NEBL: variants seen among roughly 807,000 people sequenced by gnomAD.
NEBL encodes nebulette.
Under a neutral mutation model 140.2 loss-of-function variants are expected in NEBL, and 122 were observed. The observed-to-expected ratio is 0.87, with a 90% confidence interval of 0.75 to 1.01. NEBL has a LOEUF of 1.01. NEBL is among the 50% of genes least tolerant of loss of function. NEBL has a pLI of 0.00. For missense variants in NEBL, 1,365 were observed against 1,231.3 expected, an observed-to-expected ratio of 1.11 and a Z score of -1.62; for synonymous variants, 436 against 398.9, an observed-to-expected ratio of 1.09 and a Z score of -1.11.
intron 1 of NEBL, among the ~76,000 whole-genome samples, chr10:21,262,756 A>C (rs11012621): frequency 0.026 from 3,902 of 152,300 alleles, 54 homozygotes; most frequent in Middle Eastern, 0.061. Context: ...GGCTGAACTT[A>C]GCATCTGCCA....
intron 3 of NEBL, among the ~76,000 whole-genome samples, chr10:21,220,389 C>T (rs940139456): frequency 1.3e-5 from 2 of 152,046 alleles, no homozygotes; most frequent in East Asian, 1.9e-4. Flanking sequence ...CAAGAACATA[C>T]AATAGGGAAA....
intron 8 of NEBL, 26 bp from the exon 9 acceptor site, chr10:20,858,370 A>G (rs1843308797): frequency 1.3e-6 from 2 of 1,489,732 alleles, no homozygotes; most frequent in African/African-American, 2.8e-5. Context: ...GGAACAAAAT[A>G]CCATCGAGGA....
intron 3 of NEBL, among the ~76,000 whole-genome samples, chr10:20,967,897 C>T (rs1379127418): frequency 4.6e-5 from 7 of 152,044 alleles, no homozygotes; most frequent in East Asian, 1.9e-4. Context: ...AAAGCAGGGA[C>T]GCAGTTTTAA....
intron 14 of NEBL, 131 bp from the exon 15 acceptor site, chr10:20,831,714 T>C (rs907199306): frequency 9.3e-5 from 62 of 663,146 alleles, no homozygotes; most frequent in South Asian, 8.3e-4. Flanking sequence ...TTTATTTCTA[T>C]AGAATAATAG....
Position 20,859,752 on chromosome 10 carries a change from A to T in NEBL, c.759T>A (p.Ser253=), listed in dbSNP as rs766010184. Residue 253 remains serine (S), a synonymous_variant, in exon 8 of 28, where the codon TCT becomes TCA. Coordinates refer to ENST00000377122, the MANE Select transcript of NEBL (RefSeq NM_006393.3). ...KHHYNPLESA[S]FRQNQLAATL... ...TAGCAGCAAGCTGATTCTGCCTAAA[A>T]GAAGCACTTTCAAGAGGATTGTAAT... 2 of 1,604,898 alleles carry T rather than the reference A, an allele frequency of 1.2e-6. No individual in the cohort carries two copies. The highest frequency in any genetic ancestry group is 3.3e-5 in the Admixed American group (2 of 59,834).
In NEBL at chr10:21,015,306, G is replaced by A. The variant is rs556994643; in HGVS notation, c.249+4811C>T. On this transcript the variant is annotated intron_variant, in intron 3 of 6. Coordinates refer to the NEBL transcript ENST00000417816. ...TCAATCACGGTAGCTCCATGTTGTT[G>A]TCTTCTCAGTAGGGGCTCCCACTCA... 2.6e-5 allele frequency among the ~76,000 whole-genome samples: 4 copies of A among 152,256 alleles called. No individual in the cohort carries two copies. In the East Asian group the frequency reaches 7.7e-4, roughly 29 times the overall value.
chr10:21,012,312 T>C (rs1161424244), intron 3 of NEBL, among the ~76,000 whole-genome samples: 1 of 152,144 alleles, frequency 6.6e-6, no homozygotes, highest in African/African-American at 2.4e-5. Context: ...GCATGATTTA[T>C]GTGAGAGAAA....
intron 2 of NEBL, among the ~76,000 whole-genome samples, chr10:21,106,396 C>G (rs1441525699): frequency 6.6e-6 from 1 of 152,112 alleles, no homozygotes; most frequent in Non-Finnish European, 1.5e-5. Context: ...TTTCAGCTTT[C>G]TACACGTGGC....
At chr10:20,974,101 C>T (rs1774713578) in intron 3 of NEBL, among the ~76,000 whole-genome samples, 1 of 152,154 alleles carries the variant, frequency 6.6e-6, no homozygotes, top group Non-Finnish European at 1.5e-5. Context: ...GGTTACAACC[C>T]AGGACCAGCA....
chr10:21,114,738 T>C (rs575431394), intron 2 of NEBL, among the ~76,000 whole-genome samples: 2 of 152,046 alleles, frequency 1.3e-5, no homozygotes, highest in Non-Finnish European at 2.9e-5. Context: ...AACGCTGGCA[T>C]GCTGTATCTT....
intron 4 of NEBL, among the ~76,000 whole-genome samples, chr10:20,882,379 G>A (rs1035954356): frequency 6.6e-6 from 1 of 151,700 alleles, no homozygotes; most frequent in African/African-American, 2.4e-5. Flanking sequence ...AAAAGAAAAA[G>A]AAAAAGAAAA....
At chr10:21,193,718 A>G (rs918687237) in intron 3 of NEBL, among the ~76,000 whole-genome samples, 11 of 152,184 alleles carry the variant, frequency 7.2e-5, no homozygotes, top group Admixed American at 2.0e-4. Context: ...ACAGTACCAT[A>G]TATTTTCCTT....
chr10:21,214,633 TAC>T (rs991730066), intron 3 of NEBL, among the ~76,000 whole-genome samples: 1 of 151,878 alleles, frequency 6.6e-6, no homozygotes, highest in Non-Finnish European at 1.5e-5. Context: ...ATATGCACAT[TAC>T]ACACACATGC....
intron 4 of NEBL, among the ~76,000 whole-genome samples, chr10:20,909,167 T>G (rs1848224889): frequency 6.6e-6 from 1 of 151,980 alleles, no homozygotes; most frequent in Non-Finnish European, 1.5e-5. Flanking sequence ...CTACACTCTT[T>G]GCATTATTTT....
At chr10:20,844,097 CTT>C (rs1841664881) in intron 12 of NEBL, among the ~76,000 whole-genome samples, 1 of 152,226 alleles carries the variant, frequency 6.6e-6, no homozygotes, top group South Asian at 2.1e-4. Context: ...CAAGAGAACT[CTT>C]ATAGAAATTA....
intron 3 of NEBL, among the ~76,000 whole-genome samples, chr10:20,991,287 G>C (rs1837444625): frequency 1.3e-5 from 2 of 151,938 alleles, no homozygotes; most frequent in Non-Finnish European, 2.9e-5. Flanking sequence ...CTATTAGCTT[G>C]ATGACAAAAA....
At chr10:20,929,887 C>A (rs1011365458) in intron 4 of NEBL, among the ~76,000 whole-genome samples, 31 of 152,176 alleles carry the variant, frequency 2.0e-4, no homozygotes, top group African/African-American at 7.0e-4. Flanking sequence ...ATGTATTTAA[C>A]AAAACTGCAC....
At chr10:20,871,868 A>G (rs1013756739) in intron 5 of NEBL, among the ~76,000 whole-genome samples, 4 of 152,192 alleles carry the variant, frequency 2.6e-5, no homozygotes, top group Admixed American at 2.6e-4. Context: ...AAAAAGCAAC[A>G]TGCTTATCCA....
intron 3 of NEBL, among the ~76,000 whole-genome samples, chr10:20,980,084 T>G (rs982698309): frequency 6.6e-6 from 1 of 151,170 alleles, no homozygotes; most frequent in Non-Finnish European, 1.5e-5. Context: ...AAATTCACCA[T>G]GAGATGAGTT....
Sources: gnomAD v4.1 joint callset for allele counts (sites outside exome capture counted in the v4.1 genomes callset) on GRCh38, gnomAD v4.1.1 for gene constraint, MANE v1.5 for transcripts, NCBI Gene and HGNC (gene_info 2026-07-23, HGNC 2026-07-21) for gene names.